Variants in DOP1A observed in about 807,000 individuals in gnomAD.
The protein encoded by DOP1A is protein DOP1A.
Under a neutral mutation model 267.6 loss-of-function variants are expected in DOP1A, and 90 were observed. That is an observed-to-expected ratio of 0.34 (90% CI 0.28 to 0.40). The LOEUF (loss-of-function observed/expected upper bound fraction) is 0.40. DOP1A is among the 10% of genes least tolerant of loss of function. The probability of loss-of-function intolerance (pLI) is 1.00; values close to 1 mark genes in which losing one functional copy is unlikely to be tolerated. For missense variants in DOP1A, 2,437 were observed against 2,900.4 expected (o/e 0.84, Z 3.67); for synonymous variants, 932 against 999.1 (o/e 0.93, Z 1.27).
At chr6:83,085,683 GTATCAGAAGAGGTCT>G (rs148907820) in intron 1 of DOP1A, among the ~76,000 whole-genome samples, 5,320 of 152,190 alleles carry the variant, frequency 0.035, 298 homozygotes, top group African/African-American at 0.12. Context: ...TGTTTCTGCT[GTATCAGAAGAGGTCT>G]TATCCTTAGA....
At chr6:83,164,525 T>C (rs1784981740) in intron 38 of DOP1A, 4 of 832,510 alleles carry the variant, frequency 4.8e-6, no homozygotes, top group Non-Finnish European at 7.9e-6. Context: ...TTGCCCAAAA[T>C]TTGTCCCACA....
chr6:83,148,348 A>G (rs546654971), intron 26 of DOP1A, among the ~76,000 whole-genome samples: 1 of 152,098 alleles, frequency 6.6e-6, no homozygotes, highest in Non-Finnish European at 1.5e-5. Context: ...GGGGAGGTGG[A>G]GGCTGCGGTG....
downstream of DOP1A, chr6:83,168,543 G>A: frequency 1.0e-6 from 1 of 1,002,654 alleles, no homozygotes; most frequent in Non-Finnish European, 1.2e-6. Context: ...CCATGTTCTG[G>A]TATCAGAATG....
At chr6:83,069,340 T>C (rs1785228123) in intron 1 of DOP1A, among the ~76,000 whole-genome samples, 2 of 152,194 alleles carry the variant, frequency 1.3e-5, no homozygotes, top group South Asian at 4.1e-4. Flanking sequence ...CTTTTTTGCT[T>C]ATAAAGGCAG....
Position 83,097,060 on chromosome 6 carries a change from T to C in DOP1A, c.83T>C (p.Phe28Ser). Residue 28 changes from phenylalanine to serine, a missense_variant, in exon 3 of 39, where the codon TTT (phenylalanine) becomes TCT (serine). Physicochemically the swap from Phe to Ser is radical, Grantham distance 155. Transcript: ENST00000349129. The stretch of plus-strand genomic sequence containing the variant: ...GCAATTGACAAAGCACTAAAGAATT[T>C]TGAATACTCCAGTGAATGGGCAGAT... ...VAAIDKALKN[F>S]EYSSEWADLI... The C allele has an allele frequency of 1.2e-6, 2 of 1,614,084 alleles. No homozygotes were observed. The highest frequency in any genetic ancestry group is 1.7e-6 in the Non-Finnish European group (2 of 1,179,990).
At chr6:83,134,390 A>G in intron 19 of DOP1A, 103 bp downstream of exon 19, 1 of 803,574 alleles carries the variant, frequency 1.2e-6, no homozygotes, top group Non-Finnish European at 1.8e-6. Flanking sequence ...ATAGCAATTT[A>G]CAAATTTTAT....
At chr6:83,120,899 A>AGGCC in intron 10 of DOP1A, 108 bp downstream of exon 10, 1 of 771,970 alleles carries the variant, frequency 1.3e-6, no homozygotes, top group Non-Finnish European at 1.9e-6. Flanking sequence ...TGGCCTTTAA[A>AGGCC]TATAAGTTCT....
At chr6:83,080,296 C>A (rs1433206785) in intron 1 of DOP1A, among the ~76,000 whole-genome samples, 1 of 152,162 alleles carries the variant, frequency 6.6e-6, no homozygotes, top group Non-Finnish European at 1.5e-5. Flanking sequence ...ATCCACACAA[C>A]TACTTCTTTC....
intron 10 of DOP1A, among the ~76,000 whole-genome samples, chr6:83,121,349 AAT>A (rs897061716): frequency 1.3e-5 from 2 of 151,760 alleles, no homozygotes; most frequent in African/African-American, 4.8e-5. Context: ...AAACATGAAA[AAT>A]TTAAAATATA....
At chr6:83,070,912 A>G (rs1180476038) in intron 1 of DOP1A, among the ~76,000 whole-genome samples, 1 of 152,148 alleles carries the variant, frequency 6.6e-6, no homozygotes, top group Non-Finnish European at 1.5e-5. Context: ...AGTTATTAAT[A>G]TTTCTTTATA....
rs139827939 is a variant in DOP1A, at chr6:83,137,166, A to G, written c.3131-7A>G. On this transcript the variant is annotated splice_polypyrimidine_tract_variant and splice_region_variant and intron_variant, in intron 20 of 38. Transcript: ENST00000349129. The stretch of plus-strand genomic sequence containing the variant: ...TTTCTTCTTTTACTGTTTTTCTCAT[A>G]TATCAGTGAGCCAAGTACAACTCAT... 2.0e-6 allele frequency: 3 copies of G among 1,522,822 alleles called. No individual in the cohort carries two copies. Among genetic ancestry groups the G allele is most frequent in the East Asian group, 2.3e-5 (1 of 43,980 alleles). The allele number at this position is 1,522,822 out of a possible 1,614,324, so 94.3% of individuals were successfully genotyped here.
At chr6:83,164,957 G>A (rs1415810182) in intron 38 of DOP1A, 4 of 420,616 alleles carry the variant, frequency 9.5e-6, no homozygotes, top group African/African-American at 8.3e-5. Context: ...TGAATCAAGT[G>A]TATTCTTCTT....
At position 83,119,827 on chromosome 6, in the gene DOP1A, C is replaced by G. The variant is rs770097726; in HGVS notation, c.960C>G (p.Phe320Leu). ...CTGAAGAACATGCCACTTACTATTT[C>G]ACTACCTTTTCAAAAGAATTATTAG... The part of the protein sequence containing the change: ...SNPEEHATYY[F>L]TTFSKELLVQ... The change falls in exon 9 of 39, where the codon TTC (phenylalanine) becomes TTG (leucine). Residue 320 changes from phenylalanine to leucine, a missense_variant. By Grantham distance (22) the Phe-to-Leu change is conservative. Coordinates refer to ENST00000349129, the MANE Select transcript of DOP1A (RefSeq NM_015018.4). 3.7e-6 allele frequency: 6 copies of G among 1,612,766 alleles called. No individual in the cohort carries two copies. Among genetic ancestry groups the G allele is most frequent in the Admixed American group, 1.7e-5 (1 of 59,954 alleles).
At chr6:83,091,297 T>C (rs1770352216) in intron 1 of DOP1A, among the ~76,000 whole-genome samples, 1 of 152,098 alleles carries the variant, frequency 6.6e-6, no homozygotes, top group African/African-American at 2.4e-5. Context: ...ATATCAACCA[T>C]CTTTTCACAT....
At position 83,147,226 on chromosome 6, in the gene DOP1A, T is replaced by C. The variant is rs45575237; in HGVS notation, c.5677-10T>C. On this transcript the variant is annotated splice_polypyrimidine_tract_variant and intron_variant, in intron 25 of 38. Transcript: ENST00000349129. Reference sequence around the variant, plus strand: ...TTCTTCACTACAAAATTGATTTCTTTTATTTATAGAAACATCTTTCTTTGG... The same window carrying C: ...TTCTTCACTACAAAATTGATTTCTTCTATTTATAGAAACATCTTTCTTTGG... The C allele has an allele frequency of 3.5e-3, 4,933 of 1,428,544 alleles. 140 individuals are homozygous for C. In the African/African-American group the frequency reaches 0.057, roughly 16 times the overall value. The allele number at this position is 1,428,544 out of a possible 1,614,324, so 88.5% of individuals were successfully genotyped here.
intron 1 of DOP1A, among the ~76,000 whole-genome samples, chr6:83,085,183 G>A (rs527639585): frequency 2.2e-4 from 33 of 152,150 alleles, no homozygotes; most frequent in African/African-American, 7.7e-4. Context: ...AAAAACAAAC[G>A]AAAATGGTTT....
At position 83,108,942 on chromosome 6, in the gene DOP1A, C is replaced by T; in HGVS notation, c.353C>T (p.Ala118Val). Residue 118 changes from alanine (A) to valine (V), a missense_variant, in exon 5 of 39, where the codon GCC becomes GTC. Ala to Val is a moderately conservative substitution (Grantham distance 64, BLOSUM62 0). Coordinates refer to ENST00000349129, the MANE Select transcript of DOP1A (RefSeq NM_015018.4). ...SGLFPLLANA[A>V]MSVKPTLLSL... Reference sequence around the variant, plus strand: ...TTATTTCCTCTTCTTGCAAATGCTGCCATGTCTGTGAAACCAACATTGCTC... The same window carrying T: ...TTATTTCCTCTTCTTGCAAATGCTGTCATGTCTGTGAAACCAACATTGCTC... 2 of 1,612,744 alleles carry T rather than the reference C, an allele frequency of 1.2e-6. No homozygotes were observed. The highest frequency in any genetic ancestry group is 4.5e-5 in the East Asian group (2 of 44,796).
chr6:83,094,330 T>C (rs1382408804), intron 1 of DOP1A, among the ~76,000 whole-genome samples: 1 of 152,224 alleles, frequency 6.6e-6, no homozygotes, highest in African/African-American at 2.4e-5. Context: ...TATTTCTTCT[T>C]TTGGCTATTA....
intron 10 of DOP1A, 77 bp from the exon 11 acceptor site, chr6:83,121,853 C>A (rs909319759): frequency 1.4e-6 from 2 of 1,434,428 alleles, no homozygotes; most frequent in Non-Finnish European, 1.9e-6. Flanking sequence ...AACATTGTTT[C>A]ATTGGGCCAA....
Sources: gnomAD v4.1 joint callset for allele counts (sites outside exome capture counted in the v4.1 genomes callset) on GRCh38, gnomAD v4.1.1 for gene constraint, MANE v1.5 for transcripts, NCBI Gene and HGNC (gene_info 2026-07-23, HGNC 2026-07-21) for gene names.